The following PPARG variants were observed in gnomAD, a reference collection of about 807,000 sequenced individuals.
PPARG encodes the protein peroxisome proliferator activated receptor gamma.
A neutral mutation model predicts 39.2 loss-of-function variants in PPARG; 17 were observed. The ratio of observed to expected loss-of-function variants is 0.43; its 90% CI spans 0.30 to 0.65. The LOEUF is 0.65. PPARG is among the 30% of genes least tolerant of loss of function. PPARG has a pLI of 0.13. For synonymous variants in PPARG, 223 were observed against 215.7 expected (o/e 1.03, Z -0.30); for missense variants, 406 against 585.9 (o/e 0.69, Z 3.17).
intron 5 of PPARG, among the ~76,000 whole-genome samples, chr3:12,397,343 G>A (rs1021663228): frequency 6.7e-6 from 1 of 148,912 alleles, no homozygotes; most frequent in African/African-American, 2.5e-5. Flanking sequence ...AATTCTGAAT[G>A]GCAAATACTA....
chr3:12,292,078 A>G (rs112243575), intron 1 of PPARG, among the ~76,000 whole-genome samples: 130 of 152,350 alleles, frequency 8.5e-4, no homozygotes, highest in Admixed American at 1.5e-3. Context: ...AAACCTCAAT[A>G]ACTTTGAGAT....
At chr3:12,387,496 T>A (rs2049919913) in intron 4 of PPARG, among the ~76,000 whole-genome samples, 2 of 152,348 alleles carry the variant, frequency 1.3e-5, no homozygotes, top group South Asian at 4.1e-4. Flanking sequence ...TTTTCATATG[T>A]CTGTTGGCTG....
At chr3:12,372,145 C>G (rs1468960200) in intron 2 of PPARG, 2 of 718,648 alleles carry the variant, frequency 2.8e-6, no homozygotes, top group South Asian at 3.0e-5. Context: ...GAACACATTT[C>G]TCCAATAAAG....
intron 2 of PPARG, among the ~76,000 whole-genome samples, chr3:12,360,373 A>G (rs1402987823): frequency 1.3e-5 from 2 of 152,156 alleles, no homozygotes; most frequent in East Asian, 3.9e-4. Flanking sequence ...AAATTCTATG[A>G]CAATCCTTTT....
chr3:12,387,309 T>C (rs958416798), intron 4 of PPARG, among the ~76,000 whole-genome samples: 15 of 152,250 alleles, frequency 9.9e-5, no homozygotes, highest in Non-Finnish European at 1.9e-4. Context: ...TCTTCCACAA[T>C]GGTTGAACTA....
chr3:12,325,106 G>C (rs1163831351), intron 2 of PPARG, among the ~76,000 whole-genome samples: 2 of 152,044 alleles, frequency 1.3e-5, no homozygotes, highest in Non-Finnish European at 2.9e-5. Flanking sequence ...GGCCAATATG[G>C]TGAGACCCCG....
chr3:12,401,163 A>G (rs902994781), intron 5 of PPARG, among the ~76,000 whole-genome samples: 3 of 152,226 alleles, frequency 2.0e-5, no homozygotes, highest in African/African-American at 7.2e-5. Context: ...GTCTTTCAGG[A>G]AACACCTCCC....
Position 12,405,873 on chromosome 3 carries a change from C to T in PPARG, c.530-9C>T, listed in dbSNP as rs1393267134. ...AATGATTCATCCTGTCATTCCTCTT[C>T]CTCTATAGCCATCAGGTTTGGGCGG... On this transcript the variant is annotated splice_polypyrimidine_tract_variant and intron_variant, in intron 5 of 7. Transcript: ENST00000651735. 1.4e-5 allele frequency: 22 copies of T among 1,612,154 alleles called. No homozygotes were observed. The highest frequency in any genetic ancestry group is 1.8e-5 in the Non-Finnish European group (21 of 1,178,294).
intron 1 of PPARG, among the ~76,000 whole-genome samples, chr3:12,304,537 A>T (rs2047010228): frequency 6.6e-6 from 1 of 152,244 alleles, no homozygotes; most frequent in East Asian, 1.9e-4. Flanking sequence ...GAAAAATGTT[A>T]GCTGCAGAAG....
At chr3:12,333,902 T>C (rs1338810853) in intron 2 of PPARG, among the ~76,000 whole-genome samples, 1 of 152,204 alleles carries the variant, frequency 6.6e-6, no homozygotes, top group Non-Finnish European at 1.5e-5. Flanking sequence ...TGTGAAGCCA[T>C]TGTCCCCAGC....
intron 2 of PPARG, among the ~76,000 whole-genome samples, chr3:12,365,450 C>G (rs999563621): frequency 6.6e-6 from 1 of 152,196 alleles, no homozygotes; most frequent in Non-Finnish European, 1.5e-5. Context: ...AAGTCCTATC[C>G]GTGCTCAAGG....
chr3:12,391,112 A>G (rs1252034113), intron 4 of PPARG, among the ~76,000 whole-genome samples: 1 of 152,248 alleles, frequency 6.6e-6, no homozygotes, highest in Non-Finnish European at 1.5e-5. Context: ...GGTGAGGCCC[A>G]GAAAGGAAGT....
chr3:12,411,007 A>G (rs1170645819), intron 6 of PPARG, among the ~76,000 whole-genome samples: 2 of 152,182 alleles, frequency 1.3e-5, no homozygotes, highest in African/African-American at 4.8e-5. Flanking sequence ...AGTAGTGCCA[A>G]TTCATTTCTG....
intron 7 of PPARG, among the ~76,000 whole-genome samples, chr3:12,423,575 C>G (rs1386740030): frequency 6.6e-6 from 1 of 152,238 alleles, no homozygotes; most frequent in Admixed American, 6.5e-5. Context: ...GCCTCTGCTT[C>G]TGCACAGCCC....
intron 2 of PPARG, among the ~76,000 whole-genome samples, chr3:12,377,671 A>G (rs2049466869): frequency 6.6e-6 from 1 of 152,232 alleles, no homozygotes; most frequent in Non-Finnish European, 1.5e-5. Flanking sequence ...CATCCTAAAG[A>G]GAAAAATATT....
At chr3:12,418,796 G>A (rs1015600104) in intron 7 of PPARG, among the ~76,000 whole-genome samples, 2 of 152,158 alleles carry the variant, frequency 1.3e-5, no homozygotes, top group African/African-American at 2.4e-5. Context: ...CACATCATGC[G>A]GAATACCGGC....
chr3:12,379,849 A>G lies in PPARG; in HGVS notation c.138A>G (p.Pro46=), dbSNP rs747092130. ...TTVDFSSIST[P]HYEDIPFTRT... is the part of the protein sequence containing the mutation. Reference sequence around the variant, plus strand: ...TTGACTTCTCCAGCATTTCTACTCCACATTACGAAGACATTCCATTCACAA... The same window carrying G: ...TTGACTTCTCCAGCATTTCTACTCCGCATTACGAAGACATTCCATTCACAA... The change falls in exon 3 of 8, where the codon CCA becomes CCG. Residue 46 remains proline, a synonymous_variant. Transcript: ENST00000651735. 2.5e-6 allele frequency: 4 copies of G among 1,613,942 alleles called. No homozygotes were observed. In the South Asian group the frequency reaches 3.3e-5, roughly 13 times the overall value.
At chr3:12,426,351 A>G (rs1362589300) in intron 7 of PPARG, among the ~76,000 whole-genome samples, 4 of 152,206 alleles carry the variant, frequency 2.6e-5, no homozygotes, top group Non-Finnish European at 4.4e-5. Flanking sequence ...TTGTCAAAGC[A>G]TTTGCAAGAT....
At chr3:12,351,354 A>G (rs1295190505) in intron 2 of PPARG, 2 of 580,870 alleles carry the variant, frequency 3.4e-6, no homozygotes, top group Non-Finnish European at 6.2e-6. Flanking sequence ...AGCAGTGAAC[A>G]TTATGACACA....
Sources: allele counts gnomAD v4.1 joint callset (sites outside exome capture counted in the v4.1 genomes callset), GRCh38; gene constraint gnomAD v4.1.1; transcripts MANE v1.5; gene names NCBI Gene and HGNC (gene_info 2026-07-23, HGNC 2026-07-21).